Variants in CHD6 observed in about 807,000 individuals in gnomAD.
CHD6 encodes ATP-dependent chromatin remodeler CHD6.
A neutral mutation model predicts 276.9 loss-of-function variants in CHD6; 50 were observed. That is an observed-to-expected ratio of 0.18 (90% confidence interval 0.14 to 0.23). The LOEUF (loss-of-function observed/expected upper bound fraction) is 0.23. Ranked by LOEUF, CHD6 falls within the 10% of genes least tolerant of loss-of-function variation. CHD6 has a pLI of 1.00. For synonymous variants in CHD6, 1,173 were observed against 1,229.3 expected (o/e 0.95, Z 0.96); for missense variants, 2,564 against 3,365.8 (o/e 0.76, Z 5.89).
chr20:41,431,274 T>C (rs767843674), intron 27 of CHD6, among the ~76,000 whole-genome samples: 1 of 152,144 alleles, frequency 6.6e-6, no homozygotes, highest in Non-Finnish European at 1.5e-5. Context: ...AAATTATTAT[T>C]ATCTATTTTA....
rs527824777 is a variant in CHD6 at position 41,563,075 on chromosome 20, C to T, written c.-23-11715G>A. Among the ~76,000 whole-genome samples, 16 of 152,268 alleles carry T rather than the reference C, an allele frequency of 1.1e-4. 3 individuals carry two copies. The highest frequency in any genetic ancestry group is 3.4e-4 in the African/African-American group (14 of 41,544). On this transcript the variant is annotated intron_variant, in intron 1 of 36. Coordinates refer to ENST00000373233, the MANE Select transcript of CHD6 (RefSeq NM_032221.5). Reference sequence around the variant, plus strand: ...CAAAAGAAGTGTTTTAAACATTCAACGAATTAATTTTAGAGTAAAAGCTCT... The same window carrying T: ...CAAAAGAAGTGTTTTAAACATTCAATGAATTAATTTTAGAGTAAAAGCTCT...
intron 1 of CHD6, among the ~76,000 whole-genome samples, chr20:41,591,826 G>T (rs150503488): frequency 1.7e-3 from 254 of 152,312 alleles, no homozygotes; most frequent in African/African-American, 5.5e-3. Context: ...AAGGCTGGGC[G>T]CAGTGGCTCA....
chr20:41,586,578 C>T (rs2045597672), intron 1 of CHD6, among the ~76,000 whole-genome samples: 1 of 152,178 alleles, frequency 6.6e-6, no homozygotes, highest in Non-Finnish European at 1.5e-5. Flanking sequence ...TTGGGAGCGG[C>T]CCACCACCAT....
At position 41,452,702 on chromosome 20, in the gene CHD6, CAACAAT is replaced by C. The variant is rs759933300; in HGVS notation, c.3323+32_3323+37del. Reference sequence around the variant, plus strand: ...GGACTGAAAAACAGAGGGGAACAAACAACAATAACAACAAAACTAAGCAGAGCCAAT... The same window carrying C: ...GGACTGAAAAACAGAGGGGAACAAACAACAACAAAACTAAGCAGAGCCAAT... On this transcript the variant is annotated intron_variant, in intron 21 of 36. Transcript: ENST00000373233. The surrounding 1 kb of genome is among the most constrained non-coding windows in gnomAD (Gnocchi z 4.2). 6.4e-7 allele frequency: 1 copy of C among 1,574,322 alleles called. No individual in the cohort carries two copies. The highest frequency in any genetic ancestry group is 8.7e-7 in the Non-Finnish European group (1 of 1,150,540).
At chr20:41,522,692 A>T (rs1054857179) in intron 3 of CHD6, among the ~76,000 whole-genome samples, 2 of 151,866 alleles carry the variant, frequency 1.3e-5, no homozygotes, top group Non-Finnish European at 2.9e-5. Flanking sequence ...ATTTATTGAA[A>T]TAAGTTTATA....
intron 1 of CHD6, among the ~76,000 whole-genome samples, chr20:41,554,160 C>T (rs551516436): frequency 6.6e-5 from 10 of 152,050 alleles, no homozygotes; most frequent in Admixed American, 2.0e-4. Context: ...ACAAACAAAA[C>T]GAAACACTAC....
intron 24 of CHD6, among the ~76,000 whole-genome samples, chr20:41,447,004 C>G (rs1323511690): frequency 6.6e-6 from 1 of 152,176 alleles, no homozygotes; most frequent in Non-Finnish European, 1.5e-5. Flanking sequence ...GTCTACCAAA[C>G]ACACAACCTC....
intron 1 of CHD6, among the ~76,000 whole-genome samples, chr20:41,605,226 G>A (rs369501066): frequency 2.0e-5 from 3 of 151,988 alleles, no homozygotes; most frequent in Non-Finnish European, 4.4e-5. Context: ...AGGGGGGATG[G>A]GTGTTCATGG....
intron 1 of CHD6, among the ~76,000 whole-genome samples, chr20:41,556,849 T>C (rs1568700781): frequency 6.6e-6 from 1 of 152,214 alleles, no homozygotes; most frequent in African/African-American, 2.4e-5. Context: ...CTCTACTTTT[T>C]AAATCTTTTT....
At chr20:41,609,879 T>A (rs1287874252) in intron 1 of CHD6, among the ~76,000 whole-genome samples, 1 of 145,830 alleles carries the variant, frequency 6.9e-6, no homozygotes, top group Non-Finnish European at 1.5e-5. Context: ...TTTTTTGAGA[T>A]GGAGTCTCAC....
chr20:41,516,482 G>C (rs558860290), intron 3 of CHD6, among the ~76,000 whole-genome samples: 4 of 152,160 alleles, frequency 2.6e-5, no homozygotes, highest in South Asian at 4.2e-4. Flanking sequence ...CCAGCAGATG[G>C]TATTCTTATT....
intron 27 of CHD6, among the ~76,000 whole-genome samples, chr20:41,427,600 A>G (rs2047405691): frequency 6.6e-6 from 1 of 152,210 alleles, no homozygotes; most frequent in Admixed American, 6.5e-5. Context: ...GCTGTCTAAA[A>G]AAGGACAAGA....
chr20:41,415,129 GT>G (rs893906898), intron 34 of CHD6, 56 bp downstream of exon 34: 2 of 1,516,742 alleles, frequency 1.3e-6, no homozygotes, highest in African/African-American at 2.8e-5. Context: ...AGGAAGAAGG[GT>G]TTGTTTCTCA....
At chr20:41,512,758 T>G in intron 5 of CHD6, 88 bp downstream of exon 5, 5 of 1,472,154 alleles carry the variant, frequency 3.4e-6, no homozygotes, top group Non-Finnish European at 4.7e-6. Flanking sequence ...ATCTGACTTA[T>G]GCTTTAGCAA....
chr20:41,477,206 C>T (rs2043187765), intron 16 of CHD6, among the ~76,000 whole-genome samples: 1 of 151,958 alleles, frequency 6.6e-6, no homozygotes, highest in Non-Finnish European at 1.5e-5. Context: ...ACGCCACTGC[C>T]CTCTAGCTTG....
At chr20:41,444,148 T>A (rs1364074939) in intron 25 of CHD6, among the ~76,000 whole-genome samples, 1 of 152,148 alleles carries the variant, frequency 6.6e-6, no homozygotes, top group Non-Finnish European at 1.5e-5. Flanking sequence ...AGCAGCCTAC[T>A]GTCTTCTGGG....
intron 25 of CHD6, among the ~76,000 whole-genome samples, chr20:41,444,388 G>T (rs1195980932): frequency 6.6e-6 from 1 of 152,180 alleles, no homozygotes; most frequent in African/African-American, 2.4e-5. Context: ...TAGCCACACA[G>T]GGCTAGTGGC....
intron 1 of CHD6, among the ~76,000 whole-genome samples, chr20:41,553,604 A>C (rs2045178249): frequency 6.6e-6 from 1 of 152,272 alleles, no homozygotes; most frequent in Non-Finnish European, 1.5e-5. Context: ...CAATGGATGC[A>C]GGACACGGCA....
At chr20:41,470,031 A>G (rs965504753) in intron 17 of CHD6, among the ~76,000 whole-genome samples, 11 of 152,202 alleles carry the variant, frequency 7.2e-5, no homozygotes, top group African/African-American at 2.7e-4. Flanking sequence ...TAAATATTCT[A>G]TATTTATAGC....
Sources: gnomAD v4.1 joint callset for allele counts (sites outside exome capture counted in the v4.1 genomes callset) on GRCh38, gnomAD v4.1.1 for gene constraint, Gnocchi (gnomAD v3.1) non-coding constraint, MANE v1.5 for transcripts, NCBI Gene and HGNC (gene_info 2026-07-23, HGNC 2026-07-21) for gene names.